Variants in CHRM3 observed in about 807,000 individuals in gnomAD.
CHRM3 encodes cholinergic receptor muscarinic 3.
Under a neutral mutation model 41.8 loss-of-function variants are expected in CHRM3, and 11 were observed. That is an observed-to-expected ratio of 0.26 (90% CI 0.17 to 0.44). The LOEUF (loss-of-function observed/expected upper bound fraction) is 0.44. Ranked by LOEUF, CHRM3 falls within the 20% of genes least tolerant of loss-of-function variation. The pLI, the probability that CHRM3 is intolerant of heterozygous loss-of-function variation, is 1.00. For missense variants in CHRM3, 571 were observed against 745.4 expected (o/e 0.77, Z 2.72); for synonymous variants, 297 against 301.4 (o/e 0.99, Z 0.15).
intron 5 of CHRM3, among the ~76,000 whole-genome samples, chr1:239,680,065 T>C (rs552201554): frequency 6.6e-6 from 1 of 152,194 alleles, no homozygotes; most frequent in Non-Finnish European, 1.5e-5. Flanking sequence ...CCTTCCCTTC[T>C]CTTTGTGTAA....
At chr1:239,642,192 C>G (rs915943483) in intron 4 of CHRM3, among the ~76,000 whole-genome samples, 11 of 146,036 alleles carry the variant, frequency 7.5e-5, no homozygotes, top group African/African-American at 2.8e-4. Flanking sequence ...TCTGGCTGCC[C>G]TTAACATTTT....
intron 6 of CHRM3, among the ~76,000 whole-genome samples, chr1:239,831,128 A>T (rs1672864592): frequency 1.3e-5 from 2 of 152,168 alleles, no homozygotes; most frequent in South Asian, 4.1e-4. Flanking sequence ...TAGAAGAAAG[A>T]GCACAGCCCA....
chr1:239,614,606 A>C (rs1477554415), intron 3 of CHRM3, among the ~76,000 whole-genome samples: 1 of 152,188 alleles, frequency 6.6e-6, no homozygotes, highest in Non-Finnish European at 1.5e-5. Flanking sequence ...TAATGGTTAG[A>C]ATTTTCACGC....
chr1:239,641,238 T>G (rs1018812991), intron 4 of CHRM3, among the ~76,000 whole-genome samples: 7 of 152,068 alleles, frequency 4.6e-5, no homozygotes, highest in African/African-American at 1.7e-4. Flanking sequence ...AAATGTATAT[T>G]CTGTTGATTT....
chr1:239,429,111 G>A (rs1185849716), intron 1 of CHRM3, among the ~76,000 whole-genome samples: 4 of 152,162 alleles, frequency 2.6e-5, no homozygotes, highest in Non-Finnish European at 4.4e-5. Context: ...AAGAACAAAA[G>A]CATTATGATG....
intron 1 of CHRM3, among the ~76,000 whole-genome samples, chr1:239,445,265 G>T (rs1356588776): frequency 6.6e-6 from 1 of 152,152 alleles, no homozygotes; most frequent in African/African-American, 2.4e-5. Context: ...CATACCAGGA[G>T]CCAGGTGTTA....
At chr1:239,865,231 A>G (rs1436351491) in intron 6 of CHRM3, among the ~76,000 whole-genome samples, 1 of 151,838 alleles carries the variant, frequency 6.6e-6, no homozygotes, top group African/African-American at 2.4e-5. Context: ...CTACATGTAT[A>G]GGATACTCCT....
chr1:239,718,057 C>T (rs898313685), intron 5 of CHRM3, among the ~76,000 whole-genome samples: 7 of 151,856 alleles, frequency 4.6e-5, no homozygotes, highest in East Asian at 1.9e-4. Flanking sequence ...CTCATGTTAC[C>T]GTTTCAAAAA....
chr1:239,427,737 A>T (rs1662506145), intron 1 of CHRM3, among the ~76,000 whole-genome samples: 1 of 151,982 alleles, frequency 6.6e-6, no homozygotes, highest in Admixed American at 6.6e-5. Flanking sequence ...ATGGAACCTC[A>T]AGAAGCACCC....
intron 5 of CHRM3, among the ~76,000 whole-genome samples, chr1:239,754,510 G>A (rs148516583): frequency 4.6e-5 from 7 of 152,328 alleles, no homozygotes; most frequent in Non-Finnish European, 8.8e-5. Flanking sequence ...CTGGGCAGAG[G>A]CCAAGATTCC....
intron 6 of CHRM3, among the ~76,000 whole-genome samples, chr1:239,892,768 TCTCA>T (rs1478961329): frequency 1.3e-5 from 2 of 152,186 alleles, no homozygotes; most frequent in Non-Finnish European, 2.9e-5. Flanking sequence ...AAACACAGTG[TCTCA>T]TGCACCTTCC....
chr1:239,746,351 C>T (rs11585281), intron 5 of CHRM3, among the ~76,000 whole-genome samples: 58,169 of 152,054 alleles, frequency 0.38, 11,672 homozygotes, highest in Middle Eastern at 0.49. Flanking sequence ...ATTTTTAAAA[C>T]TCTGTGATAC....
intron 1 of CHRM3, among the ~76,000 whole-genome samples, chr1:239,448,080 A>G (rs1382021220): frequency 6.6e-6 from 1 of 152,114 alleles, no homozygotes; most frequent in Non-Finnish European, 1.5e-5. Flanking sequence ...AAATTATTCA[A>G]CCTCTTTCAG....
chr1:239,863,489 T>C (rs1318293865), intron 6 of CHRM3, among the ~76,000 whole-genome samples: 2 of 152,150 alleles, frequency 1.3e-5, no homozygotes, highest in African/African-American at 2.4e-5. Flanking sequence ...GCCAGAACCT[T>C]ACCTTAGTCC....
intron 5 of CHRM3, among the ~76,000 whole-genome samples, chr1:239,696,868 C>T (rs912313263): frequency 2.0e-5 from 3 of 152,192 alleles, no homozygotes; most frequent in Admixed American, 6.5e-5. Context: ...AAATCCTTTT[C>T]GTTCCCTCTA....
rs1454723586 is a variant in CHRM3 at position 239,627,934 on chromosome 1, C to A, written c.-312-4290C>A. Among the ~76,000 whole-genome samples the A allele has an allele frequency of 4.8e-5, 7 of 147,226 alleles. No individual in the cohort carries two copies. In the South Asian group the frequency reaches 1.6e-3, roughly 33 times the overall value. On this transcript the variant is annotated intron_variant, in intron 3 of 6. Transcript: ENST00000676153. Reference sequence around the variant, plus strand: ...GACCATTCTCTCTGGCTGCCCTTAACATTTTTTCCTTCATTTCAACTTTGG... The same window carrying A: ...GACCATTCTCTCTGGCTGCCCTTAAAATTTTTTCCTTCATTTCAACTTTGG...
chr1:239,396,852 C>T (rs901278405), intron 1 of CHRM3, among the ~76,000 whole-genome samples: 13 of 152,150 alleles, frequency 8.5e-5, no homozygotes, highest in Non-Finnish European at 1.8e-4. Context: ...ACTCTTGCAA[C>T]TTGACTTTAA....
chr1:239,564,670 A>G (rs1661184840), intron 3 of CHRM3, among the ~76,000 whole-genome samples: 1 of 152,050 alleles, frequency 6.6e-6, no homozygotes, highest in Admixed American at 6.6e-5. Flanking sequence ...AACAAATTGT[A>G]TTTTTCATTG....
chr1:239,389,209 G>A (rs1658806914), intron 1 of CHRM3, among the ~76,000 whole-genome samples: 1 of 152,178 alleles, frequency 6.6e-6, no homozygotes, highest in Non-Finnish European at 1.5e-5. Context: ...TTGGGAAAAG[G>A]AGCAAATGTG....
Sources: allele counts gnomAD v4.1 joint callset (sites outside exome capture counted in the v4.1 genomes callset), GRCh38; gene constraint gnomAD v4.1.1; transcripts MANE v1.5; gene names NCBI Gene and HGNC (gene_info 2026-07-23, HGNC 2026-07-21).